HTR2A: variants seen among roughly 807,000 people sequenced by gnomAD.
HTR2A encodes the protein 5-hydroxytryptamine receptor 2A.
In HTR2A, 14 loss-of-function variants were observed where a neutral mutation model predicts 31.0. The ratio of observed to expected loss-of-function variants is 0.45; its 90% CI spans 0.30 to 0.71. The LOEUF is 0.71. HTR2A is among the 30% of genes least tolerant of loss of function. The probability of loss-of-function intolerance (pLI) is 0.09; values close to 1 mark genes in which losing one functional copy is unlikely to be tolerated. For synonymous variants in HTR2A, 209 were observed against 225.2 expected (o/e 0.93, Z 0.64); for missense variants, 442 against 573.3 (o/e 0.77, Z 2.34).
At position 46,835,011 on chromosome 13, in the gene HTR2A, T is replaced by C. The variant is rs1876392163; in HGVS notation, c.1242A>G (p.Ile414Met). Residue 414 changes from isoleucine to methionine, a missense_variant, in exon 4 of 4, where the codon ATA becomes ATG. Ile to Met is a conservative substitution (Grantham distance 10). Coordinates refer to ENST00000542664, the MANE Select transcript of HTR2A (RefSeq NM_000621.5). ...GGCTAGACTTGTAGGCCAAAGCCGG[T>C]ATTGTGTTCACTAAAATTAACTGCA... ...KPLQLILVNT[I>M]PALAYKSSQL... 6.2e-7 allele frequency: 1 copy of C among 1,614,172 alleles called. No homozygotes were observed. The highest frequency in any genetic ancestry group is 1.7e-5 in the Admixed American group (1 of 60,012).
intron 3 of HTR2A, among the ~76,000 whole-genome samples, chr13:46,874,513 T>C (rs533286504): frequency 1.3e-5 from 2 of 152,392 alleles, no homozygotes; most frequent in East Asian, 3.9e-4. Context: ...TAAATATATG[T>C]ACACATATTT....
chr13:46,858,652 C>T (rs1288136619), intron 3 of HTR2A, among the ~76,000 whole-genome samples: 1 of 152,074 alleles, frequency 6.6e-6, no homozygotes, highest in East Asian at 1.9e-4. Context: ...AGTTTTATGC[C>T]TGTCAAAAGA....
chr13:46,862,687 C>T (rs1194247673), intron 3 of HTR2A, among the ~76,000 whole-genome samples: 1 of 152,160 alleles, frequency 6.6e-6, no homozygotes, highest in Non-Finnish European at 1.5e-5. Flanking sequence ...TATGTTGGGT[C>T]AGGTAACTCT....
At chr13:46,870,457 TAA>T in intron 3 of HTR2A, among the ~76,000 whole-genome samples, 1 of 152,192 alleles carries the variant, frequency 6.6e-6, no homozygotes, top group Admixed American at 6.5e-5. Context: ...GATCAGAATA[TAA>T]AACAGTATAT....
intron 3 of HTR2A, among the ~76,000 whole-genome samples, chr13:46,857,027 C>T (rs572912948): frequency 4.6e-5 from 7 of 152,024 alleles, no homozygotes; most frequent in African/African-American, 9.7e-5. Context: ...GCTGGCTGGG[C>T]GCGGTGGCTC....
chr13:46,833,083 T>C lies in HTR2A; in HGVS notation c.*1754A>G, dbSNP rs571209902. On this transcript the variant is annotated 3_prime_UTR_variant, in exon 4 of 4. Transcript: ENST00000542664. ...AGTTTTTGGAGAAATAGAAGAAAAA[T>C]TTTGCTCAAAACTATGGTAGTTATA... is the stretch of plus-strand genomic sequence containing the variant. 1 of 152,146 alleles carries C rather than the reference T, an allele frequency of 6.6e-6. No individual in the cohort carries two copies. The highest frequency in any genetic ancestry group is 6.5e-5 in the Admixed American group (1 of 15,268). 9.4% of individuals were successfully genotyped at this position (152,146 alleles called of 1,614,324 possible). A position where few individuals can be genotyped will look rare whatever the true frequency, so the allele number is the denominator to read the frequency against.
chr13:46,845,996 C>G (rs1175199457), intron 3 of HTR2A, among the ~76,000 whole-genome samples: 1 of 152,126 alleles, frequency 6.6e-6, no homozygotes, highest in Non-Finnish European at 1.5e-5. Flanking sequence ...CTATGGGGTT[C>G]AGTACAGTAA....
intron 3 of HTR2A, among the ~76,000 whole-genome samples, chr13:46,848,997 T>C (rs935952590): frequency 1.3e-5 from 2 of 152,194 alleles, no homozygotes. Context: ...TAATAAGTAA[T>C]GAACAACTGA....
In HTR2A at chr13:46,831,997, G is replaced by C. The variant is rs896642608; in HGVS notation, c.*2840C>G. The C allele has an allele frequency of 6.6e-6, 1 of 152,182 alleles. No individual in the cohort carries two copies. The highest frequency in any genetic ancestry group is 2.4e-5 in the African/African-American group (1 of 41,448). The allele number at this position is 152,182 out of a possible 1,614,324, so 9.4% of individuals were successfully genotyped here. On this transcript the variant is annotated 3_prime_UTR_variant, in exon 4 of 4. Coordinates refer to ENST00000542664, the MANE Select transcript of HTR2A (RefSeq NM_000621.5). ...TGACAACTGTGTTTCACTTAGGTGT[G>C]AGTCTGTTTAAAAAGCCATAGTAGT...
chr13:46,892,317 A>T, intron 3 of HTR2A, 73 bp downstream of exon 3: 1 of 1,436,900 alleles, frequency 7.0e-7, no homozygotes, highest in South Asian at 1.2e-5. Context: ...TCAGTACAAC[A>T]AAATGGAACA....
chr13:46,832,515 T>C lies in HTR2A; in HGVS notation c.*2322A>G, dbSNP rs780076744. On this transcript the variant is annotated 3_prime_UTR_variant, in exon 4 of 4. Coordinates refer to ENST00000542664, the MANE Select transcript of HTR2A (RefSeq NM_000621.5). Reference sequence around the variant, plus strand: ...TGTACATTCTGATCAAGATTGAGTATATGGGGGTAGAATCTGTAATCTTTT... The same window carrying C: ...TGTACATTCTGATCAAGATTGAGTACATGGGGGTAGAATCTGTAATCTTTT... 2.0e-5 allele frequency: 3 copies of C among 152,188 alleles called. No individual in the cohort carries two copies. Among genetic ancestry groups the C allele is most frequent in the Non-Finnish European group, 2.9e-5 (2 of 68,004 alleles). The allele number at this position is 152,188 out of a possible 1,614,324, so 9.4% of individuals were successfully genotyped here.
chr13:46,857,720 A>T (rs974818556), intron 3 of HTR2A, among the ~76,000 whole-genome samples: 21 of 152,380 alleles, frequency 1.4e-4, no homozygotes, highest in African/African-American at 4.3e-4. Context: ...GACAAATGAA[A>T]TAAATGCCCT....
intron 3 of HTR2A, among the ~76,000 whole-genome samples, chr13:46,852,923 T>C (rs918008444): frequency 6.6e-6 from 1 of 152,086 alleles, no homozygotes; most frequent in African/African-American, 2.4e-5. Flanking sequence ...GAACATGTTA[T>C]ATTTTTATCT....
At chr13:46,845,655 A>AAAAAAAG (rs1555297058) in intron 3 of HTR2A, among the ~76,000 whole-genome samples, 2 of 151,176 alleles carry the variant, frequency 1.3e-5, no homozygotes, top group Non-Finnish European at 2.9e-5. Flanking sequence ...AAAAAAAAAA[A>AAAAAAAG]AAAAAGAAAA....
intron 3 of HTR2A, among the ~76,000 whole-genome samples, chr13:46,843,250 T>C: frequency 6.6e-6 from 1 of 152,194 alleles, no homozygotes; most frequent in East Asian, 1.9e-4. Flanking sequence ...TGATTGTTAG[T>C]CTCTTACTGT....
rs908672922 is a variant in HTR2A at position 46,833,373 on chromosome 13, T to A, written c.*1464A>T. 1 of 152,140 alleles carries A rather than the reference T, an allele frequency of 6.6e-6. No homozygotes were observed. Among genetic ancestry groups the A allele is most frequent in the Non-Finnish European group, 1.5e-5 (1 of 68,032 alleles). The allele number at this position is 152,140 out of a possible 1,614,324, so 9.4% of individuals were successfully genotyped here. ...GTCATTTTCTTTTTTTCTTTCTTTT[T>A]TTTTGTGATAGGGTCTCACTCTGTT... On this transcript the variant is annotated 3_prime_UTR_variant, in exon 4 of 4. Transcript: ENST00000542664.
intron 3 of HTR2A, among the ~76,000 whole-genome samples, chr13:46,846,170 AT>A (rs995268487): frequency 6.6e-6 from 1 of 152,186 alleles, no homozygotes; most frequent in African/African-American, 2.4e-5. Flanking sequence ...TAAGCAAGTC[AT>A]TTAATTGGAG....
Position 46,835,583 on chromosome 13 carries a change from C to A in HTR2A, c.670G>T (p.Glu224Ter), listed in dbSNP as rs868647452. The stretch of plus-strand genomic sequence containing the variant: ...TCATCGGCGAGTAAGCAACTCCCCT[C>A]CTTAAAGACCTTCGAATCGTCCTGT... ...GLQDDSKVFKEGSCLLADDNF... is the reference protein window; with the variant it reads ...GLQDDSKVFK The change falls in exon 4 of 4, where the codon GAG becomes TAG. Residue 224 changes from glutamate to a stop codon, truncating the protein, a stop_gained. Coordinates refer to ENST00000542664, the MANE Select transcript of HTR2A (RefSeq NM_000621.5). LOFTEE classifies it high-confidence loss of function. 2 of 1,614,006 alleles carry A rather than the reference C, an allele frequency of 1.2e-6. No individual in the cohort carries two copies. Among genetic ancestry groups the A allele is most frequent in the Non-Finnish European group, 1.7e-6 (2 of 1,179,924 alleles).
chr13:46,877,478 T>C (rs1018624885), intron 3 of HTR2A, among the ~76,000 whole-genome samples: 4 of 152,170 alleles, frequency 2.6e-5, no homozygotes, highest in African/African-American at 9.7e-5. Flanking sequence ...TAAAGTACTA[T>C]ATGGGGAAAG....
Sources: allele counts gnomAD v4.1 joint callset (sites outside exome capture counted in the v4.1 genomes callset), GRCh38; gene constraint gnomAD v4.1.1; transcripts MANE v1.5; gene names NCBI Gene and HGNC (gene_info 2026-07-23, HGNC 2026-07-21).